PLCH2: variants seen among roughly 807,000 people sequenced by gnomAD.
The protein encoded by PLCH2 is 1-phosphatidylinositol 4,5-bisphosphate phosphodiesterase eta-2.
PLCH2 carries 98 observed loss-of-function variants against 134.7 expected under a neutral mutation model. That is an observed-to-expected ratio of 0.73 (90% CI 0.62 to 0.86). The LOEUF is 0.86. Ranked by LOEUF, PLCH2 falls within the 40% of genes least tolerant of loss-of-function variation. The probability of loss-of-function intolerance (pLI) is 0.00; values close to 1 mark genes in which losing one functional copy is unlikely to be tolerated. For missense variants in PLCH2, 1,994 were observed against 1,986.6 expected (o/e 1.00, Z -0.07); for synonymous variants, 974 against 827.5 (o/e 1.18, Z -3.04).
intron 1 of PLCH2, among the ~76,000 whole-genome samples, chr1:2,429,089 G>C (rs1638944199): frequency 1.3e-5 from 2 of 152,214 alleles, no homozygotes; most frequent in Non-Finnish European, 2.9e-5. Context: ...GGGTGTGCAG[G>C]GTGAGGGGAC....
At chr1:2,427,474 C>T (rs1024106528) in intron 1 of PLCH2, among the ~76,000 whole-genome samples, 1 of 152,144 alleles carries the variant, frequency 6.6e-6, no homozygotes, top group Non-Finnish European at 1.5e-5. Context: ...GGCTGGGTGG[C>T]CAGTGGGGCC....
intron 2 of PLCH2, among the ~76,000 whole-genome samples, chr1:2,452,914 T>C (rs767752987): frequency 6.6e-6 from 1 of 152,176 alleles, no homozygotes; most frequent in Non-Finnish European, 1.5e-5. Context: ...AGGGTGCCTG[T>C]TGGCACCTGG....
chr1:2,416,238 G>A, the PLCH2 span, among the ~76,000 whole-genome samples: 1 of 152,208 alleles, frequency 6.6e-6, no homozygotes, highest in Non-Finnish European at 1.5e-5. Context: ...CGGGGTCCCT[G>A]GGTGGGCAAA....
chr1:2,489,780 C>G lies in PLCH2; in HGVS notation c.1428C>G (p.Asn476Lys). 6.2e-7 allele frequency: 1 copy of G among 1,613,614 alleles called. No homozygotes were observed. The highest frequency in any genetic ancestry group is 8.5e-7 in the Non-Finnish European group (1 of 1,179,714). The change falls in exon 10 of 22, where the codon AAC (asparagine) becomes AAG (lysine). Residue 476 changes from asparagine to lysine, a missense_variant. Asn to Lys is a moderately conservative substitution (Grantham distance 94, BLOSUM62 0). Around this residue, in one of 2 missense-constraint regions of PLCH2, gnomAD observed 1,094 missense variants for 1,234.3 expected, o/e 0.89. Transcript: ENST00000378486. ...CCCAGGGGAAGAAGCTCCCAGCCAACATCAGCGAGGATGCGGAGGAAGGCG... is the reference window on the plus strand; with the variant it reads ...CCCAGGGGAAGAAGCTCCCAGCCAAGATCAGCGAGGATGCGGAGGAAGGCG... ...ILVKGKKLPANISEDAEEGEV... is the reference protein window; with the variant it reads ...ILVKGKKLPAKISEDAEEGEV...
intron 2 of PLCH2, among the ~76,000 whole-genome samples, chr1:2,452,186 C>A (rs1024963237): frequency 6.6e-6 from 1 of 152,150 alleles, no homozygotes; most frequent in African/African-American, 2.4e-5. Flanking sequence ...TGCAGAAGGA[C>A]GGTGGAGGCT....
intron 2 of PLCH2, among the ~76,000 whole-genome samples, chr1:2,440,031 G>A (rs1490857777): frequency 6.6e-6 from 1 of 152,092 alleles, no homozygotes; most frequent in Non-Finnish European, 1.5e-5. Context: ...GGGGGCCTGT[G>A]GAGAAGGGGG....
At chr1:2,422,088 T>C (rs952858666), upstream of PLCH2, among the ~76,000 whole-genome samples, 8 of 151,468 alleles carry the variant, frequency 5.3e-5, no homozygotes, top group African/African-American at 1.9e-4. Flanking sequence ...CTGGCCAACA[T>C]GGAAACCATG....
At chr1:2,473,836 C>T (rs1641467398), upstream of PLCH2, among the ~76,000 whole-genome samples, 1 of 152,264 alleles carries the variant, frequency 6.6e-6, no homozygotes, top group Non-Finnish European at 1.5e-5. Context: ...ATCTGCCCGA[C>T]CAGGACTGCC....
Position 2,476,392 on chromosome 1 carries a change from G to A in PLCH2, c.-197G>A, listed in dbSNP as rs1641618363. 3.6e-5 allele frequency: 19 copies of A among 528,276 alleles called. No individual in the cohort carries two copies. Among genetic ancestry groups the A allele is most frequent in the South Asian group, 1.2e-4 (4 of 33,050 alleles). The allele number at this position is 528,276 out of a possible 1,614,324, so 32.7% of individuals were successfully genotyped here. On this transcript the variant is annotated 5_prime_UTR_variant, in exon 1 of 22. Transcript: ENST00000378486. ...GGGGGCCATCAGGACAGCAGGTGAC[G>A]GTCAGGCCAATGCCAGCCGGGCCTG...
rs1188616274 is a variant in PLCH2 at position 2,503,961 on chromosome 1, T to C, written c.2999T>C (p.Leu1000Pro). The change falls in exon 22 of 22, where the codon CTG becomes CCG. Residue 1000 changes from leucine (L) to proline (P), a missense_variant. This residue lies in a region of PLCH2 where 900 missense variants were observed against 752.3 expected (regional missense o/e 1.20). Transcript: ENST00000378486. ...TCCACGCAGCGGCCACTCCCCCCACTGTGCAGCCTGGAAACCATCGCTGAG... is the reference window on the plus strand; with the variant it reads ...TCCACGCAGCGGCCACTCCCCCCACCGTGCAGCCTGGAAACCATCGCTGAG... ...PLSTQRPLPP[L>P]CSLETIAEEP... is the part of the protein sequence containing the mutation. 6.9e-6 allele frequency: 7 copies of C among 1,016,382 alleles called. No individual in the cohort carries two copies. The highest frequency in any genetic ancestry group is 8.7e-6 in the Non-Finnish European group (7 of 803,502). 63.0% of individuals were successfully genotyped at this position (1,016,382 alleles called of 1,614,324 possible). A position where few individuals can be genotyped will look rare whatever the true frequency, so the allele number is the denominator to read the frequency against.
chr1:2,485,975 A>T (rs1642263949), intron 5 of PLCH2, among the ~76,000 whole-genome samples: 1 of 152,002 alleles, frequency 6.6e-6, no homozygotes, highest in Admixed American at 6.5e-5. Context: ...TCCTGCAGGC[A>T]TGACACCCGG....
chr1:2,473,090 A>G (rs1641414081), upstream of PLCH2, among the ~76,000 whole-genome samples: 1 of 152,018 alleles, frequency 6.6e-6, no homozygotes, highest in African/African-American at 2.4e-5. Context: ...CCATAAAAAC[A>G]AAATTAAGCC....
upstream of PLCH2, among the ~76,000 whole-genome samples, chr1:2,464,866 G>A (rs1557976448): frequency 1.3e-5 from 2 of 152,212 alleles, no homozygotes; most frequent in African/African-American, 2.4e-5. Flanking sequence ...AGGTGGCCTC[G>A]GGCTCACGGC....
chr1:2,459,522 T>C (rs796705050), intron 2 of PLCH2, among the ~76,000 whole-genome samples: 704 of 61,856 alleles, frequency 0.011, 83 homozygotes, highest in Admixed American at 0.014. Flanking sequence ...TCCTCCTTCC[T>C]GGTGGTCCTC....
In PLCH2 at chr1:2,498,872, GA is replaced by G; in HGVS notation, c.2434+45del. 1 of 1,503,460 alleles carries G rather than the reference GA, an allele frequency of 6.7e-7. No homozygotes were observed. Among genetic ancestry groups the G allele is most frequent in the Non-Finnish European group, 9.2e-7 (1 of 1,091,772 alleles). 93.1% of individuals were successfully genotyped at this position (1,503,460 alleles called of 1,614,324 possible). A position where few individuals can be genotyped will look rare whatever the true frequency, so the allele number is the denominator to read the frequency against. ...TCCGTCACACCTGTGATGGAAGTCTGAGGGGGGAGGGTTGGGGCTACCTGGT... is the reference window on the plus strand; with the variant it reads ...TCCGTCACACCTGTGATGGAAGTCTGGGGGGGAGGGTTGGGGCTACCTGGT... On this transcript the variant is annotated intron_variant, in intron 18 of 21. Coordinates refer to ENST00000378486, the MANE Select transcript of PLCH2 (RefSeq NM_014638.4). The surrounding 1 kb of genome is among the most constrained non-coding windows in gnomAD (Gnocchi z 5.4).
the PLCH2 span, among the ~76,000 whole-genome samples, chr1:2,418,794 C>T: frequency 1.3e-5 from 2 of 152,226 alleles, no homozygotes; most frequent in Non-Finnish European, 2.9e-5. Context: ...GACGGCCTCT[C>T]CTTTGCACAT....
chr1:2,502,993 G>A (rs1331478247), intron 21 of PLCH2: 3 of 716,236 alleles, frequency 4.2e-6, no homozygotes, highest in Admixed American at 4.0e-5. Flanking sequence ...CTTCTGCGTG[G>A]ACGGTGTCGC....
At position 2,433,192 on chromosome 1, in the gene PLCH2, C is replaced by T. The variant is rs539783191; in HGVS notation, c.115+2563C>T. Reference sequence around the variant, plus strand: ...ACTCTTCCCCTTCCAGATTGGCTCCCGGCCCCCGCTGTGTACGTGCTCAGG... The same window carrying T: ...ACTCTTCCCCTTCCAGATTGGCTCCTGGCCCCCGCTGTGTACGTGCTCAGG... On this transcript the variant is annotated intron_variant, in intron 2 of 3. Transcript: ENST00000609981. 1.1e-4 allele frequency among the ~76,000 whole-genome samples: 17 copies of T among 152,312 alleles called. No individual in the cohort carries two copies. The South Asian group carries it at 3.1e-3, about 28-fold the overall frequency.
intron 1 of PLCH2, among the ~76,000 whole-genome samples, chr1:2,478,100 G>A (rs1025805862): frequency 5.3e-5 from 8 of 152,234 alleles, no homozygotes; most frequent in East Asian, 1.9e-4. Flanking sequence ...GGTAGCTCTC[G>A]GGGCCCCAGG....
Sources: allele counts gnomAD v4.1 joint callset (sites outside exome capture counted in the v4.1 genomes callset), GRCh38; gene constraint gnomAD v4.1.1; regional missense constraint gnomAD v4.1.1; non-coding constraint Gnocchi (gnomAD v3.1); transcripts MANE v1.5; gene names NCBI Gene and HGNC (gene_info 2026-07-23, HGNC 2026-07-21).